NPHP3: variants seen among roughly 807,000 people sequenced by gnomAD.
NPHP3 encodes the protein nephrocystin-3.
A neutral mutation model predicts 171.9 loss-of-function variants in NPHP3; 123 were observed. The observed-to-expected ratio is 0.72, with a 90% CI of 0.62 to 0.83. The LOEUF is 0.83. NPHP3 is among the 40% of genes least tolerant of loss of function. The pLI, the probability that NPHP3 is intolerant of heterozygous loss-of-function variation, is 0.00. For missense variants in NPHP3, 1,506 were observed against 1,591.9 expected, an observed-to-expected ratio of 0.95 and a Z score of 0.92; for synonymous variants, 558 against 579.2, an observed-to-expected ratio of 0.96 and a Z score of 0.52.
chr3:132,719,791 CTTTT>C lies in NPHP3; in HGVS notation c.429_432del (p.Glu145ValfsTer3). The C allele has an allele frequency of 6.2e-7, 1 of 1,600,106 alleles. No individual in the cohort carries two copies. Among genetic ancestry groups the C allele is most frequent in the Non-Finnish European group, 8.5e-7 (1 of 1,171,298 alleles). On this transcript the variant is annotated frameshift_variant, in exon 2 of 27. Coordinates refer to ENST00000337331, the MANE Select transcript of NPHP3 (RefSeq NM_153240.5). LOFTEE classifies it high-confidence loss of function. Reference sequence around the variant, plus strand: ...TGGTATTTCGCTTCTAAAGCACTTTCTTTTTCTCGAAGTATCTTCTGATACGTTT... The same window carrying C: ...TGGTATTTCGCTTCTAAAGCACTTTCTCTCGAAGTATCTTCTGATACGTTT...
intron 7 of NPHP3, among the ~76,000 whole-genome samples, chr3:132,707,458 G>A (rs760180849): frequency 2.2e-4 from 33 of 151,912 alleles, no homozygotes; most frequent in Admixed American, 1.1e-3. Context: ...GTGACAGAGT[G>A]AGACTCTGTC....
intron 9 of NPHP3, 60 bp from the exon 10 acceptor site, chr3:132,701,593 G>A: frequency 9.7e-7 from 1 of 1,032,988 alleles, no homozygotes; most frequent in Non-Finnish European, 1.5e-6. Flanking sequence ...CTACTGAAGA[G>A]TCAACTTCTG....
At chr3:132,706,886 T>C (rs1306010980) in intron 7 of NPHP3, among the ~76,000 whole-genome samples, 1 of 152,218 alleles carries the variant, frequency 6.6e-6, no homozygotes, top group Non-Finnish European at 1.5e-5. Context: ...GAAATGGCTC[T>C]GGAAATTATA....
chr3:132,720,483 G>C (rs1353044366), intron 1 of NPHP3, among the ~76,000 whole-genome samples: 1 of 152,190 alleles, frequency 6.6e-6, no homozygotes, highest in African/African-American at 2.4e-5. Flanking sequence ...CTGTTGGGCA[G>C]TGGCTTGGAT....
chr3:132,686,158 TATC>T, intron 23 of NPHP3, 99 bp downstream of exon 23: 1 of 1,320,172 alleles, frequency 7.6e-7, no homozygotes, highest in Non-Finnish European at 1.1e-6. Context: ...GCGTGGTTTT[TATC>T]ATTTTTTTTC....
chr3:132,689,263 C>T lies in NPHP3; in HGVS notation c.2694G>A (p.Arg898=). 1 of 1,614,002 alleles carries T rather than the reference C, an allele frequency of 6.2e-7. No individual in the cohort carries two copies. Among genetic ancestry groups the T allele is most frequent in the Non-Finnish European group, 8.5e-7 (1 of 1,179,884 alleles). The change falls in exon 20 of 27, where the codon AGG becomes AGA. Residue 898 remains arginine, a splice_region_variant and synonymous_variant. Coordinates refer to ENST00000337331, the MANE Select transcript of NPHP3 (RefSeq NM_153240.5). The part of the protein sequence containing the change: ...NLFVSQNLYK[R]GHFAELLSYW... ...AACTCAGCAACTCAGCAAAGTGTCCCCTGTTTCAACAAATAACAGTACTTT... is the reference window on the plus strand; with the variant it reads ...AACTCAGCAACTCAGCAAAGTGTCCTCTGTTTCAACAAATAACAGTACTTT...
At chr3:132,685,532 T>C (rs1939132836) in intron 23 of NPHP3, 2 of 152,220 alleles carry the variant, frequency 1.3e-5, no homozygotes, top group Admixed American at 1.3e-4. Context: ...TTGTTATATT[T>C]TTCTGATATA....
chr3:132,689,196 C>G lies in NPHP3; in HGVS notation c.2761G>C (p.Glu921Gln). 1 of 1,614,156 alleles carries G rather than the reference C, an allele frequency of 6.2e-7. No homozygotes were observed. The highest frequency in any genetic ancestry group is 8.5e-7 in the Non-Finnish European group (1 of 1,179,990). ...VGKDKSAMAT[E>Q]YFDSLKQYEK... is the part of the protein sequence containing the mutation. Reference sequence around the variant, plus strand: ...TACTGCTTCAATGAATCGAAGTATTCTGTTGCCATTGCACTTTTGTCTTTG... The same window carrying G: ...TACTGCTTCAATGAATCGAAGTATTGTGTTGCCATTGCACTTTTGTCTTTG... Residue 921 changes from glutamate (E) to glutamine (Q), a missense_variant, in exon 20 of 27, where the codon GAA (glutamate) becomes CAA (glutamine). By Grantham distance (29) the Glu-to-Gln change is conservative (BLOSUM62 2). Transcript: ENST00000337331.
Position 132,682,740 on chromosome 3 carries a change from G to C in NPHP3, c.3775C>G (p.Arg1259Gly). 1.2e-6 allele frequency: 2 copies of C among 1,612,980 alleles called. No homozygotes were observed. The highest frequency in any genetic ancestry group is 1.7e-6 in the Non-Finnish European group (2 of 1,179,048). The change falls in exon 26 of 27, where the codon CGA (arginine) becomes GGA (glycine). Residue 1259 changes from arginine to glycine, a missense_variant. Physicochemically the swap from Arg to Gly is moderately radical, Grantham distance 125. Around this residue, in one of 3 missense-constraint regions of NPHP3, gnomAD observed 569 missense variants for 648.1 expected, o/e 0.88. Coordinates refer to ENST00000337331, the MANE Select transcript of NPHP3 (RefSeq NM_153240.5). ...AAATTTTTCAGTGTTTCTCCAACTC[G>C]AGGATGCATCCGACCCAGGCTATCT... ...YEDSLGRMHP[R>G]VGETLKNLAV...
rs1241189486 is a variant in NPHP3 at position 132,719,687 on chromosome 3, A to C, written c.519+18T>G. 6.5e-7 allele frequency: 1 copy of C among 1,527,434 alleles called. No individual in the cohort carries two copies. The highest frequency in any genetic ancestry group is 1.9e-5 in the Admixed American group (1 of 53,050). 94.6% of individuals were successfully genotyped at this position (1,527,434 alleles called of 1,614,324 possible). ...TTTATTCTATGTTGCTTTGGGGGTA[A>C]AAATGTAAGGAATTTACCTTGAATT... On this transcript the variant is annotated intron_variant, in intron 2 of 26. Coordinates refer to ENST00000337331, the MANE Select transcript of NPHP3 (RefSeq NM_153240.5).
Position 132,690,689 on chromosome 3 carries a change from C to A in NPHP3, c.2571-39G>T, listed in dbSNP as rs754455701. The A allele has an allele frequency of 2.5e-5, 40 of 1,608,184 alleles. No homozygotes were observed. In the Admixed American group the frequency reaches 2.5e-4, roughly 10 times the overall value. ...GGAGACAATATTCAATATCTTCCTA[C>A]AATGAGACTGCTTCAAAAAGGCTTC... On this transcript the variant is annotated intron_variant, in intron 18 of 26. Transcript: ENST00000337331.
At chr3:132,684,476 G>C in intron 24 of NPHP3, 78 bp downstream of exon 24, 1 of 1,515,546 alleles carries the variant, frequency 6.6e-7, no homozygotes, top group South Asian at 1.1e-5. Context: ...CCCTCATAAA[G>C]ACAAATTATT....
At chr3:132,689,319 G>A in intron 19 of NPHP3, 56 bp from the exon 20 acceptor site, 1 of 1,547,988 alleles carries the variant, frequency 6.5e-7, no homozygotes, top group South Asian at 1.1e-5. Flanking sequence ...ATCCATTACA[G>A]AATCAAAACT....
At chr3:132,706,400 C>T (rs1243344649) in intron 7 of NPHP3, among the ~76,000 whole-genome samples, 1 of 150,526 alleles carries the variant, frequency 6.6e-6, no homozygotes, top group Admixed American at 6.6e-5. Context: ...AAGAAGTATA[C>T]ATTTTTTTTT....
At chr3:132,682,564 C>T in intron 26 of NPHP3, 139 bp downstream of exon 26, 2 of 659,066 alleles carry the variant, frequency 3.0e-6, no homozygotes, top group Non-Finnish European at 5.5e-6. Flanking sequence ...TACTTCAGTA[C>T]TTCTTGAAGT....
At chr3:132,710,122 A>G (rs976080983) in intron 6 of NPHP3, among the ~76,000 whole-genome samples, 5 of 152,236 alleles carry the variant, frequency 3.3e-5, no homozygotes, top group African/African-American at 1.2e-4. Context: ...TAGATAGTAT[A>G]ACAGGCCAGC....
Position 132,719,824 on chromosome 3 carries a change from G to T in NPHP3, c.400C>A (p.Gln134Lys). 1 of 1,585,438 alleles carries T rather than the reference G, an allele frequency of 6.3e-7. No homozygotes were observed. The highest frequency in any genetic ancestry group is 8.6e-7 in the Non-Finnish European group (1 of 1,163,362). The change falls in exon 2 of 27, where the codon CAA becomes AAA. Residue 134 changes from glutamine to lysine, a missense_variant. This residue lies in a region of NPHP3 where 930 missense variants were observed against 924.9 expected (regional missense o/e 1.01). Coordinates refer to ENST00000337331, the MANE Select transcript of NPHP3 (RefSeq NM_153240.5). ...CGAAGTATCTTCTGATACGTTTTTT[G>T]AAGTGCCTAGAATAATTTACCTTGT... ...KRLRAELQALQKTYQKILREK... is the reference protein window; with the variant it reads ...KRLRAELQALKKTYQKILREK...
Position 132,694,294 on chromosome 3 carries a change from TCAA to T in NPHP3, c.2310+530_2310+532del, listed in dbSNP as rs934223062. Reference sequence around the variant, plus strand: ...TCCTCACACAATAAACAAAAAGATATCAACAAGAGTTAAGGACTTCACACACGA... The same window carrying T: ...TCCTCACACAATAAACAAAAAGATATCAAGAGTTAAGGACTTCACACACGA... On this transcript the variant is annotated intron_variant, in intron 16 of 26. Transcript: ENST00000337331. Among the ~76,000 whole-genome samples the T allele has an allele frequency of 3.3e-5, 5 of 151,658 alleles. No individual in the cohort carries two copies. In the East Asian group the frequency reaches 5.8e-4, roughly 18 times the overall value.
At chr3:132,697,749 T>C (rs1014001615) in intron 13 of NPHP3, among the ~76,000 whole-genome samples, 16 of 152,188 alleles carry the variant, frequency 1.1e-4, no homozygotes, top group African/African-American at 3.9e-4. Flanking sequence ...ACTATTACAA[T>C]ATACATTCTT....
Sources: gnomAD v4.1 joint callset for allele counts (sites outside exome capture counted in the v4.1 genomes callset) on GRCh38, gnomAD v4.1.1 for gene constraint, gnomAD v4.1.1 regional missense constraint, MANE v1.5 for transcripts, NCBI Gene and HGNC (gene_info 2026-07-23, HGNC 2026-07-21) for gene names.